The following ST6GALNAC3 variants were observed in gnomAD, a reference collection of about 807,000 sequenced individuals.
The protein encoded by ST6GALNAC3 is alpha-N-acetylgalactosaminide alpha-2,6-sialyltransferase 3.
ST6GALNAC3 carries 25 observed loss-of-function variants against 32.7 expected under a neutral mutation model. That is an observed-to-expected ratio of 0.76 (90% confidence interval 0.56 to 1.07). The LOEUF is 1.07. Ranked by LOEUF, ST6GALNAC3 falls within the 50% of genes least tolerant of loss-of-function variation. ST6GALNAC3 has a pLI of 0.00. For missense variants in ST6GALNAC3, 355 were observed against 382.4 expected (o/e 0.93, Z 0.60); for synonymous variants, 129 against 133.1 (o/e 0.97, Z 0.21).
At chr1:76,278,168 C>T (rs961973867) in intron 1 of ST6GALNAC3, among the ~76,000 whole-genome samples, 12 of 132,968 alleles carry the variant, frequency 9.0e-5, no homozygotes, top group African/African-American at 4.2e-4. Flanking sequence ...TGTCTTTCGT[C>T]ACTATAATAA....
chr1:76,159,953 G>T (rs971335786), intron 1 of ST6GALNAC3, among the ~76,000 whole-genome samples: 1 of 152,178 alleles, frequency 6.6e-6, no homozygotes, highest in African/African-American at 2.4e-5. Context: ...GATAGGAATT[G>T]TAGAGTTAAG....
At chr1:76,486,747 T>C (rs914894822) in intron 3 of ST6GALNAC3, among the ~76,000 whole-genome samples, 14 of 152,218 alleles carry the variant, frequency 9.2e-5, no homozygotes, top group Non-Finnish European at 1.3e-4. Flanking sequence ...TATTGTTATG[T>C]GTGAATTTGA....
At chr1:76,434,015 C>T (rs1462666323) in intron 3 of ST6GALNAC3, among the ~76,000 whole-genome samples, 1 of 152,082 alleles carries the variant, frequency 6.6e-6, no homozygotes, top group African/African-American at 2.4e-5. Flanking sequence ...ACTGCATGCT[C>T]ATTTAAGTTG....
At chr1:76,172,321 G>A (rs1309682603) in intron 1 of ST6GALNAC3, among the ~76,000 whole-genome samples, 1 of 152,064 alleles carries the variant, frequency 6.6e-6, no homozygotes. Context: ...TAAACTAGGT[G>A]TTGATGGAAT....
chr1:76,359,674 A>G (rs1649773072), intron 2 of ST6GALNAC3, among the ~76,000 whole-genome samples: 1 of 152,184 alleles, frequency 6.6e-6, no homozygotes, highest in African/African-American at 2.4e-5. Context: ...TAGAAAACTG[A>G]TATAGTAAGG....
chr1:76,594,794 A>G (rs1006247826), intron 3 of ST6GALNAC3, among the ~76,000 whole-genome samples: 4 of 152,126 alleles, frequency 2.6e-5, no homozygotes, highest in African/African-American at 9.7e-5. Flanking sequence ...TTATGTGACC[A>G]CTCAACAGAT....
At chr1:76,202,266 G>T (rs891408652) in intron 1 of ST6GALNAC3, among the ~76,000 whole-genome samples, 4 of 137,204 alleles carry the variant, frequency 2.9e-5, no homozygotes, top group Non-Finnish European at 6.2e-5. Flanking sequence ...GTGTGTGCAT[G>T]CATGTGTGTG....
At chr1:76,485,997 G>A (rs1660085766) in intron 3 of ST6GALNAC3, among the ~76,000 whole-genome samples, 1 of 152,174 alleles carries the variant, frequency 6.6e-6, no homozygotes, top group East Asian at 1.9e-4. Flanking sequence ...TAGTCATTCA[G>A]GAGCAGGTTG....
chr1:76,626,004 C>T (rs558931465), intron 3 of ST6GALNAC3, among the ~76,000 whole-genome samples: 1 of 151,914 alleles, frequency 6.6e-6, no homozygotes, highest in African/African-American at 2.4e-5. Context: ...CTAAAAAATC[C>T]AATTATCAAC....
rs184824081 is a variant in ST6GALNAC3, at chr1:76,116,019, G to A, written c.18+41135G>A. ...CTCTCATTAAGCTTGTTGTATGATA[G>A]GAAAGAAGGAAAACAACAATGAAAA... is the stretch of plus-strand genomic sequence containing the variant. On this transcript the variant is annotated intron_variant, in intron 1 of 4. Transcript: ENST00000328299. 2.7e-3 allele frequency among the ~76,000 whole-genome samples: 411 copies of A among 152,236 alleles called. 1 individual carries two copies. Among genetic ancestry groups the A allele is most frequent in the Middle Eastern group, 0.024 (7 of 294 alleles).
chr1:76,398,421 A>G (rs1653150025), intron 2 of ST6GALNAC3, among the ~76,000 whole-genome samples: 1 of 152,056 alleles, frequency 6.6e-6, no homozygotes, highest in Non-Finnish European at 1.5e-5. Context: ...GTTAATTGTG[A>G]TGTTTGGGGT....
At chr1:76,429,521 T>A (rs887370697) in intron 3 of ST6GALNAC3, among the ~76,000 whole-genome samples, 9 of 152,186 alleles carry the variant, frequency 5.9e-5, no homozygotes, top group Non-Finnish European at 8.8e-5. Context: ...CACATTTAGA[T>A]AATCATCCAG....
chr1:76,522,189 A>AT (rs1364684083), intron 3 of ST6GALNAC3, among the ~76,000 whole-genome samples: 2 of 150,654 alleles, frequency 1.3e-5, no homozygotes, highest in Non-Finnish European at 3.0e-5. Flanking sequence ...GATACTGTGT[A>AT]TTTTTTCCTT....
chr1:76,465,332 A>C (rs757139261), intron 3 of ST6GALNAC3, among the ~76,000 whole-genome samples: 1 of 152,178 alleles, frequency 6.6e-6, no homozygotes, highest in Non-Finnish European at 1.5e-5. Flanking sequence ...CTGCTTGCAC[A>C]TTATTCCATT....
intron 3 of ST6GALNAC3, among the ~76,000 whole-genome samples, chr1:76,534,595 A>G (rs1455133479): frequency 6.6e-6 from 1 of 151,952 alleles, no homozygotes; most frequent in Non-Finnish European, 1.5e-5. Flanking sequence ...ATCAGAGACC[A>G]CCTCCTATAC....
chr1:76,127,592 T>C (rs1649335766), intron 1 of ST6GALNAC3, among the ~76,000 whole-genome samples: 1 of 152,220 alleles, frequency 6.6e-6, no homozygotes, highest in Non-Finnish European at 1.5e-5. Flanking sequence ...TGTTAAATAT[T>C]TTACATGGAT....
At chr1:76,613,139 T>A (rs1301189774) in intron 3 of ST6GALNAC3, among the ~76,000 whole-genome samples, 1 of 152,156 alleles carries the variant, frequency 6.6e-6, no homozygotes, top group Non-Finnish European at 1.5e-5. Context: ...CAAATGACAC[T>A]CTTAATTTTC....
In ST6GALNAC3 at chr1:76,391,522, ACCTTCCTTCCTTCCTTCCTTCCTT is replaced by A. The variant is rs71071997; in HGVS notation, c.214-20458_214-20435del. 4.9e-4 allele frequency among the ~76,000 whole-genome samples: 67 copies of A among 137,724 alleles called. 1 individual carries two copies. The East Asian group carries it at 9.5e-3, about 20-fold the overall frequency. 90.4% of individuals were successfully genotyped at this position (137,724 alleles called of 152,430 possible). On this transcript the variant is annotated intron_variant, in intron 2 of 4. Transcript: ENST00000328299. ...AACAAATCGTAAGCCATTAGGAAAG[ACCTTCCTTCCTTCCTTCCTTCCTT>A]CCTTCCTTCCTTCCTTCCTTCCTTC...
chr1:76,320,963 TAC>T (rs3079477), intron 2 of ST6GALNAC3, among the ~76,000 whole-genome samples: 4 of 138,848 alleles, frequency 2.9e-5, no homozygotes, highest in African/African-American at 1.1e-4. Context: ...GGTATATATA[TAC>T]ACACACACAC....
Sources: gnomAD v4.1 joint callset for allele counts (sites outside exome capture counted in the v4.1 genomes callset) on GRCh38, gnomAD v4.1.1 for gene constraint, MANE v1.5 for transcripts, NCBI Gene and HGNC (gene_info 2026-07-23, HGNC 2026-07-21) for gene names.